The following BACH1 variants were observed in gnomAD, a reference collection of about 807,000 sequenced individuals.
BACH1 encodes the protein transcription regulator protein BACH1.
A neutral mutation model predicts 52.9 loss-of-function variants in BACH1; 35 were observed. That is an observed-to-expected ratio of 0.66 (90% CI 0.51 to 0.88). The LOEUF (loss-of-function observed/expected upper bound fraction) is 0.88. Ranked by LOEUF, BACH1 falls within the 40% of genes least tolerant of loss-of-function variation. BACH1 has a pLI of 0.00. For synonymous variants in BACH1, 321 were observed against 319.6 expected, an observed-to-expected ratio of 1.00 and a Z score of -0.05; for missense variants, 808 against 872.6, an observed-to-expected ratio of 0.93 and a Z score of 0.93.
rs1459087507 is a variant in BACH1 at position 29,321,475 on chromosome 21, C to T, written c.195C>T (p.Gly65=). The T allele has an allele frequency of 2.5e-6, 4 of 1,614,146 alleles. No homozygotes were observed. In the South Asian group the frequency reaches 3.3e-5, roughly 13 times the overall value. Residue 65 remains glycine, a synonymous_variant, in exon 2 of 5, where the codon GGC becomes GGT. Coordinates refer to ENST00000286800, the MANE Select transcript of BACH1 (RefSeq NM_001186.4). ...CSSYFHSRIV[G]QADGELNITL... is the part of the protein sequence containing the mutation. The stretch of plus-strand genomic sequence containing the variant: ...GTTACTTCCACTCAAGAATCGTAGG[C>T]CAGGCTGATGGAGAGCTGAACATTA...
At chr21:29,319,180 T>C (rs1001383311) in intron 1 of BACH1, among the ~76,000 whole-genome samples, 3 of 152,200 alleles carry the variant, frequency 2.0e-5, no homozygotes, top group Non-Finnish European at 4.4e-5. Context: ...TACAGCTTAA[T>C]AATCTTGCCA....
intron 4 of BACH1, among the ~76,000 whole-genome samples, chr21:29,334,758 A>C (rs192865033): frequency 6.6e-6 from 1 of 152,328 alleles, no homozygotes; most frequent in East Asian, 1.9e-4. Flanking sequence ...ACTTTTGTCC[A>C]TTATGATGGC....
At chr21:29,351,129 ACT>A (rs1328490645), downstream of BACH1, among the ~76,000 whole-genome samples, 1 of 152,140 alleles carries the variant, frequency 6.6e-6, no homozygotes, top group Non-Finnish European at 1.5e-5. Flanking sequence ...TTCATTCTGC[ACT>A]CTTAGTTTAT....
intron 1 of BACH1, among the ~76,000 whole-genome samples, chr21:29,304,568 A>T (rs186730175): frequency 1.3e-5 from 2 of 152,266 alleles, no homozygotes; most frequent in East Asian, 3.9e-4. Context: ...AAGGTTTTCA[A>T]TTCCTTTGTA....
In BACH1 at chr21:29,326,275, C is replaced by G. The variant is rs770054210; in HGVS notation, c.451C>G (p.Gln151Glu). 13 of 1,614,008 alleles carry G rather than the reference C, an allele frequency of 8.1e-6. No homozygotes were observed. Among genetic ancestry groups the G allele is most frequent in the African/African-American group, 4.0e-5 (3 of 74,898 alleles). Reference protein sequence around the residue: ...PRKKCFSSHCQKTDLKLSLLD... With the variant: ...PRKKCFSSHCEKTDLKLSLLD... ...AAAAAAATGCTTTTCATCACACTGT[C>G]AGAAAACAGACCTTAAACTTTCACT... is the stretch of plus-strand genomic sequence containing the variant. The change falls in exon 3 of 5, where the codon CAG becomes GAG. Residue 151 changes from glutamine (Q) to glutamate (E), a missense_variant. Transcript: ENST00000286800.
At chr21:29,351,787 A>G in intron 2 of BACH1, 1 of 533,508 alleles carries the variant, frequency 1.9e-6, no homozygotes, top group South Asian at 1.4e-5. Flanking sequence ...AGGAATGAGA[A>G]GTAGAGCACA....
At chr21:29,310,095 A>T (rs967062546) in intron 1 of BACH1, among the ~76,000 whole-genome samples, 1 of 152,194 alleles carries the variant, frequency 6.6e-6, no homozygotes, top group African/African-American at 2.4e-5. Context: ...ATTGTGAAGA[A>T]TCTGCTAAGT....
chr21:29,324,949 C>T (rs1045515253), intron 2 of BACH1, among the ~76,000 whole-genome samples: 3 of 152,166 alleles, frequency 2.0e-5, no homozygotes, highest in African/African-American at 7.2e-5. Flanking sequence ...AAGATCACAG[C>T]CGGGCGCGGT....
intron 3 of BACH1, among the ~76,000 whole-genome samples, chr21:29,328,959 A>G (rs1399662093): frequency 1.3e-5 from 2 of 152,116 alleles, no homozygotes; most frequent in Non-Finnish European, 2.9e-5. Flanking sequence ...CCATCCATGG[A>G]CATTTAGGTT....
At chr21:29,310,617 C>T (rs2088710093) in intron 1 of BACH1, among the ~76,000 whole-genome samples, 1 of 152,204 alleles carries the variant, frequency 6.6e-6, no homozygotes, top group Admixed American at 6.5e-5. Flanking sequence ...ATGTGTTCAC[C>T]TAGGGAGTGT....
At chr21:29,302,566 C>T (rs916248243) in intron 1 of BACH1, among the ~76,000 whole-genome samples, 1 of 152,308 alleles carries the variant, frequency 6.6e-6, no homozygotes, top group Middle Eastern at 3.4e-3. Context: ...TCATTGTTTC[C>T]TCTGTAAAAC....
At chr21:29,335,711 T>A (rs2089036688) in intron 4 of BACH1, among the ~76,000 whole-genome samples, 2 of 152,240 alleles carry the variant, frequency 1.3e-5, no homozygotes, top group Non-Finnish European at 2.9e-5. Context: ...CCTCAGATCA[T>A]CTGTCTATAC....
intron 1 of BACH1, among the ~76,000 whole-genome samples, chr21:29,308,028 A>G (rs1209816037): frequency 6.6e-6 from 1 of 152,228 alleles, no homozygotes; most frequent in South Asian, 2.1e-4. Flanking sequence ...TGTACTACCA[A>G]TATAATTTTT....
intron 4 of BACH1, among the ~76,000 whole-genome samples, chr21:29,331,127 C>T (rs1170804849): frequency 6.6e-6 from 1 of 152,104 alleles, no homozygotes; most frequent in Admixed American, 6.5e-5. Flanking sequence ...TTGAATTAAA[C>T]CCTTACCTGC....
Position 29,302,837 on chromosome 21 carries a change from A to G in BACH1, c.-61+3884A>G, listed in dbSNP as rs1206558638. Among the ~76,000 whole-genome samples the G allele has an allele frequency of 2.0e-5, 3 of 152,366 alleles. No homozygotes were observed. In the South Asian group the frequency reaches 6.2e-4, roughly 32 times the overall value. ...ACTCTTATGTTAAGTCAGTAGCACC[A>G]TCTCAAACATACATCCAACTTCTGA... is the stretch of plus-strand genomic sequence containing the variant. On this transcript the variant is annotated intron_variant, in intron 1 of 4. Transcript: ENST00000286800.
At chr21:29,310,014 A>AT (rs150700239) in intron 1 of BACH1, among the ~76,000 whole-genome samples, 4 of 151,894 alleles carry the variant, frequency 2.6e-5, no homozygotes, top group Non-Finnish European at 5.9e-5. Flanking sequence ...GGGTTCTCTC[A>AT]TTTTTTTTAA....
At chr21:29,340,320 T>G (rs929025173) in intron 4 of BACH1, among the ~76,000 whole-genome samples, 18 of 152,336 alleles carry the variant, frequency 1.2e-4, no homozygotes, top group African/African-American at 4.1e-4. Flanking sequence ...ATGGGAACAT[T>G]TAATTTATAG....
intron 3 of BACH1, among the ~76,000 whole-genome samples, chr21:29,327,885 GTTCA>G (rs2088933622): frequency 6.6e-6 from 1 of 152,162 alleles, no homozygotes; most frequent in Admixed American, 6.5e-5. Flanking sequence ...AAGGACTTCT[GTTCA>G]TTCGTTTCCA....
rs1390290697 is a variant in BACH1, at chr21:29,326,224, A to G, written c.400A>G (p.Thr134Ala). 6.2e-7 allele frequency: 1 copy of G among 1,614,086 alleles called. No individual in the cohort carries two copies. The highest frequency in any genetic ancestry group is 1.7e-5 in the Admixed American group (1 of 60,002). The change falls in exon 3 of 5, where the codon ACT becomes GCT. Residue 134 changes from threonine to alanine, a missense_variant. Thr to Ala is a moderately conservative substitution (Grantham distance 58). Transcript: ENST00000286800. ...TCTGAAATTTAAGTTTTTGGACTCC[A>G]CTGCAGACCAGCAAGAATGCCCAAG... The part of the protein sequence containing the change: ...QFLKFKFLDS[T>A]ADQQECPRKK...
Sources: gnomAD v4.1 joint callset for allele counts (sites outside exome capture counted in the v4.1 genomes callset) on GRCh38, gnomAD v4.1.1 for gene constraint, MANE v1.5 for transcripts, NCBI Gene and HGNC (gene_info 2026-07-23, HGNC 2026-07-21) for gene names.